Variants in ZNF385D observed in about 807,000 individuals in gnomAD.
ZNF385D encodes the protein zinc finger protein 659.
A neutral mutation model predicts 35.8 loss-of-function variants in ZNF385D; 15 were observed. The observed-to-expected ratio is 0.42, with a 90% CI of 0.28 to 0.64. ZNF385D has a LOEUF of 0.64. ZNF385D is among the 30% of genes least tolerant of loss of function. ZNF385D has a pLI of 0.23. For missense variants in ZNF385D, 474 were observed against 494.6 expected, an observed-to-expected ratio of 0.96 and a Z score of 0.39; for synonymous variants, 212 against 186.8, an observed-to-expected ratio of 1.13 and a Z score of -1.10.
At chr3:21,710,931 C>G (rs138859690) in intron 1 of ZNF385D, among the ~76,000 whole-genome samples, 128 of 151,918 alleles carry the variant, frequency 8.4e-4, no homozygotes, top group African/African-American at 3.0e-3. Context: ...CTTTTCTAAT[C>G]TAAATGCTCT....
At chr3:22,108,798 AG>A (rs1489915734) in intron 3 of ZNF385D, among the ~76,000 whole-genome samples, 2 of 152,146 alleles carry the variant, frequency 1.3e-5, no homozygotes, top group African/African-American at 4.8e-5. Context: ...GGATCACTTG[AG>A]GTCATGAGTT....
At chr3:21,496,179 C>T (rs951651579) in intron 4 of ZNF385D, among the ~76,000 whole-genome samples, 5 of 151,238 alleles carry the variant, frequency 3.3e-5, no homozygotes, top group African/African-American at 4.9e-5. Context: ...GGCGGAGGCA[C>T]TTCTCCCCAA....
intron 3 of ZNF385D, among the ~76,000 whole-genome samples, chr3:21,786,137 C>G (rs1048713671): frequency 2.0e-5 from 3 of 151,990 alleles, no homozygotes; most frequent in African/African-American, 7.3e-5. Context: ...TTCAACATCA[C>G]AAACGTAAAC....
At chr3:22,042,784 T>C (rs1698745261) in intron 3 of ZNF385D, among the ~76,000 whole-genome samples, 1 of 152,208 alleles carries the variant, frequency 6.6e-6, no homozygotes, top group African/African-American at 2.4e-5. Flanking sequence ...ATCCAGATTT[T>C]GCTTATAGCT....
chr3:21,464,743 A>AACACACAAACACACACACACACACAC lies in ZNF385D; in HGVS notation c.440-27541_440-27540insGTGTGTGTGTGTGTGTGTTTGTGTGT, dbSNP rs1553589980. On this transcript the variant is annotated intron_variant, in intron 4 of 7. Coordinates refer to ENST00000281523, the MANE Select transcript of ZNF385D (RefSeq NM_024697.3). ...TTACAGCTGCCAAAAAATAAATTAA[A>AACACACAAACACACACACACACACAC]ACACACACACACACACTTATGCAAC... 3.1e-3 allele frequency among the ~76,000 whole-genome samples: 463 copies of AACACACAAACACACACACACACACAC among 150,304 alleles called. 3 individuals carry two copies. The highest frequency in any genetic ancestry group is 0.011 in the African/African-American group (435 of 40,592).
chr3:22,075,760 T>C (rs1391982770), intron 3 of ZNF385D, among the ~76,000 whole-genome samples: 1 of 151,986 alleles, frequency 6.6e-6, no homozygotes, highest in African/African-American at 2.4e-5. Flanking sequence ...GATTTTTCTC[T>C]GAGCTTTAGC....
chr3:22,094,625 T>A (rs961327434), intron 3 of ZNF385D, among the ~76,000 whole-genome samples: 3 of 151,770 alleles, frequency 2.0e-5, no homozygotes. Context: ...ATCTCAGCCA[T>A]CCCAGTGAGA....
At chr3:21,529,075 T>C (rs981971596) in intron 3 of ZNF385D, among the ~76,000 whole-genome samples, 5 of 152,168 alleles carry the variant, frequency 3.3e-5, no homozygotes, top group African/African-American at 1.2e-4. Flanking sequence ...TTTTTGTGTG[T>C]GTGTGGATAA....
At chr3:21,947,508 G>C (rs1701851717) in intron 3 of ZNF385D, among the ~76,000 whole-genome samples, 1 of 152,016 alleles carries the variant, frequency 6.6e-6, no homozygotes, top group Non-Finnish European at 1.5e-5. Flanking sequence ...GCACCACCAT[G>C]CCTGGCTAAT....
At chr3:21,903,336 G>A (rs945245989) in intron 3 of ZNF385D, among the ~76,000 whole-genome samples, 26 of 152,094 alleles carry the variant, frequency 1.7e-4, no homozygotes, top group African/African-American at 4.8e-4. Context: ...CACAGCAGGG[G>A]GCAAAAGGCA....
chr3:22,161,108 T>C (rs1399178101), intron 3 of ZNF385D, among the ~76,000 whole-genome samples: 1 of 152,060 alleles, frequency 6.6e-6, no homozygotes, highest in Non-Finnish European at 1.5e-5. Context: ...ATAGAATATA[T>C]CACATAATTA....
chr3:21,750,859 C>A lies in ZNF385D; in HGVS notation c.22+36G>T, dbSNP rs1436250575. The A allele has an allele frequency of 3.7e-6, 6 of 1,613,044 alleles. No homozygotes were observed. The South Asian group carries it at 5.5e-5, about 15-fold the overall frequency. On this transcript the variant is annotated intron_variant, in intron 1 of 7. Coordinates refer to ENST00000281523, the MANE Select transcript of ZNF385D (RefSeq NM_024697.3). The stretch of plus-strand genomic sequence containing the variant: ...TTGTCTGCACGGATGAAGAGCCGGA[C>A]ACCCCCAGAATTACATCATCAGAGT...
At chr3:22,147,034 G>A (rs11917423) in intron 3 of ZNF385D, among the ~76,000 whole-genome samples, 37,765 of 152,040 alleles carry the variant, frequency 0.25, 4,907 homozygotes, top group African/African-American at 0.3. Context: ...TAGCAAATCT[G>A]ACATTGTATT....
chr3:22,199,086 A>G (rs1033966953), intron 2 of ZNF385D, among the ~76,000 whole-genome samples: 5 of 152,066 alleles, frequency 3.3e-5, no homozygotes, highest in African/African-American at 9.7e-5. Context: ...TGTAACTCTC[A>G]GAATCTCTTA....
At chr3:21,578,091 C>T (rs888824691) in intron 2 of ZNF385D, among the ~76,000 whole-genome samples, 1 of 152,158 alleles carries the variant, frequency 6.6e-6, no homozygotes, top group Non-Finnish European at 1.5e-5. Context: ...GCTGGGACTA[C>T]AGGTGCAAGC....
Position 21,997,866 on chromosome 3 carries a change from C to CGTGTGTGT in ZNF385D, c.325+170950_325+170951insACACACAC, listed in dbSNP as rs1162271257. ...TTGATGTTGCTATTTGGCGCGCGCG[C>CGTGTGTGT]GCGCGCGTGTGTGTGTGTGTGTGTG... On this transcript the variant is annotated intron_variant, in intron 3 of 5. Coordinates refer to the ZNF385D transcript ENST00000494108. Among the ~76,000 whole-genome samples the CGTGTGTGT allele has an allele frequency of 4.1e-5, 4 of 97,852 alleles. No individual in the cohort carries two copies. The South Asian group carries it at 1.5e-3, about 37-fold the overall frequency. The allele number at this position is 97,852 out of a possible 152,430, so 64.2% of individuals were successfully genotyped here.
chr3:21,704,013 T>C (rs4858345), intron 1 of ZNF385D, among the ~76,000 whole-genome samples: 61,929 of 152,110 alleles, frequency 0.41, 13,809 homozygotes, highest in Middle Eastern at 0.53. Flanking sequence ...TGTTTATGTC[T>C]TTTACCAACC....
chr3:22,287,374 G>C (rs1462648078), intron 2 of ZNF385D, among the ~76,000 whole-genome samples: 1 of 151,752 alleles, frequency 6.6e-6, no homozygotes, highest in Non-Finnish European at 1.5e-5. Flanking sequence ...AGTAATTATT[G>C]ATACAGGTAA....
intron 2 of ZNF385D, among the ~76,000 whole-genome samples, chr3:22,238,953 G>A (rs190332130): frequency 1.3e-5 from 2 of 149,884 alleles, no homozygotes; most frequent in East Asian, 2.0e-4. Flanking sequence ...TCACAAACTC[G>A]TAGGCTCAAG....
Sources: gnomAD v4.1 joint callset for allele counts (sites outside exome capture counted in the v4.1 genomes callset) on GRCh38, gnomAD v4.1.1 for gene constraint, MANE v1.5 for transcripts, NCBI Gene and HGNC (gene_info 2026-07-23, HGNC 2026-07-21) for gene names.